Variants in PALM2AKAP2 observed in about 807,000 individuals in gnomAD.
PALM2AKAP2 encodes PALM2 and AKAP2 fusion, also known as PALM2-AKAP2 fusion protein.
PALM2AKAP2 carries 37 observed loss-of-function variants against 71.5 expected under a neutral mutation model. The observed-to-expected ratio is 0.52, with a 90% CI of 0.40 to 0.68. The LOEUF is 0.68. PALM2AKAP2 is among the 30% of genes least tolerant of loss of function. The probability of loss-of-function intolerance (pLI) is 0.00; values close to 1 mark genes in which losing one functional copy is unlikely to be tolerated. For missense variants in PALM2AKAP2, 1,224 were observed against 1,191.8 expected (o/e 1.03, Z -0.40); for synonymous variants, 468 against 478.8 (o/e 0.98, Z 0.29).
upstream of PALM2AKAP2, among the ~76,000 whole-genome samples, chr9:110,048,176 C>T (rs2132488777): frequency 1.3e-5 from 2 of 152,328 alleles, no homozygotes; most frequent in South Asian, 4.1e-4. Flanking sequence ...CCGGGAGTCG[C>T]TCTGACCCTG....
intron 1 of PALM2AKAP2, among the ~76,000 whole-genome samples, chr9:109,724,427 AG>A (rs577912553): frequency 8.6e-4 from 131 of 152,340 alleles, no homozygotes; most frequent in African/African-American, 3.0e-3. Context: ...AAAACGGCCA[AG>A]AAAAACTTGA....
intron 1 of PALM2AKAP2, among the ~76,000 whole-genome samples, chr9:110,098,013 C>T (rs1485912707): frequency 6.9e-6 from 1 of 144,870 alleles, no homozygotes; most frequent in Admixed American, 6.7e-5. Context: ...ATACGAAAAC[C>T]AGTCAGGCGT....
intron 1 of PALM2AKAP2, among the ~76,000 whole-genome samples, chr9:109,748,424 A>G (rs1828835504): frequency 6.6e-6 from 1 of 152,168 alleles, no homozygotes; most frequent in Non-Finnish European, 1.5e-5. Flanking sequence ...ATGAGGCGAT[A>G]GGAGCAGCTC....
rs376867000 is a variant in PALM2AKAP2, at chr9:109,880,613, G to A, written c.189G>A (p.Glu63=). 8.9e-5 allele frequency: 144 copies of A among 1,613,956 alleles called. No homozygotes were observed. In the Middle Eastern group the frequency reaches 5.3e-3, roughly 59 times the overall value. Residue 63 remains glutamate (E), a synonymous_variant, in exon 3 of 10, where the codon GAG becomes GAA. Transcript: ENST00000302798. Reference sequence around the variant, plus strand: ...TACCCGCTGGAACTGCCGAAGAGGAGGAAGCCAGGAGGCGGCAGTCTGAAG... The same window carrying A: ...TACCCGCTGGAACTGCCGAAGAGGAAGAAGCCAGGAGGCGGCAGTCTGAAG...
At chr9:109,938,564 G>A (rs1831283666) in intron 6 of PALM2AKAP2, among the ~76,000 whole-genome samples, 1 of 151,948 alleles carries the variant, frequency 6.6e-6, no homozygotes, top group African/African-American at 2.4e-5. Context: ...AGGAATATTG[G>A]AAGAATAGTG....
chr9:109,864,709 C>T (rs541471230), intron 1 of PALM2AKAP2, among the ~76,000 whole-genome samples: 5 of 152,158 alleles, frequency 3.3e-5, no homozygotes, highest in Non-Finnish European at 7.4e-5. Context: ...TCAGTAGTTG[C>T]GACAGAGACT....
chr9:110,133,180 G>C (rs554522315), intron 1 of PALM2AKAP2, among the ~76,000 whole-genome samples: 3 of 152,152 alleles, frequency 2.0e-5, no homozygotes, highest in Non-Finnish European at 4.4e-5. Flanking sequence ...ATTCATCATC[G>C]AGCACTTGAA....
chr9:109,732,564 T>G (rs990242633), intron 1 of PALM2AKAP2, among the ~76,000 whole-genome samples: 1 of 152,204 alleles, frequency 6.6e-6, no homozygotes, highest in African/African-American at 2.4e-5. Context: ...CTAAATTGTT[T>G]CCACTCATTC....
At chr9:110,142,675 G>C (rs896644006) in intron 2 of PALM2AKAP2, among the ~76,000 whole-genome samples, 5 of 152,202 alleles carry the variant, frequency 3.3e-5, no homozygotes, top group African/African-American at 1.2e-4. Context: ...TTGGGCTCAG[G>C]GTGTAGGGGA....
At chr9:109,833,334 G>A (rs143166256) in intron 1 of PALM2AKAP2, among the ~76,000 whole-genome samples, 20 of 152,262 alleles carry the variant, frequency 1.3e-4, no homozygotes, top group Non-Finnish European at 2.1e-4. Context: ...CAGCCTGGGC[G>A]ACAGAGTGAG....
At chr9:109,933,140 G>A (rs1334984405) in intron 6 of PALM2AKAP2, among the ~76,000 whole-genome samples, 1 of 152,234 alleles carries the variant, frequency 6.6e-6, no homozygotes, top group East Asian at 1.9e-4. Context: ...GGGACTGTAA[G>A]TGGTATCTGG....
chr9:109,958,531 C>T (rs1462615075), intron 6 of PALM2AKAP2, among the ~76,000 whole-genome samples: 3 of 151,234 alleles, frequency 2.0e-5, no homozygotes, highest in African/African-American at 4.9e-5. Context: ...TCTGAGTGGA[C>T]GCCAACCTCA....
chr9:110,132,226 TG>T (rs1247417069), intron 1 of PALM2AKAP2, among the ~76,000 whole-genome samples: 2 of 152,102 alleles, frequency 1.3e-5, no homozygotes, highest in African/African-American at 4.8e-5. Context: ...GCTAATTTTT[TG>T]TATTTTCAGT....
chr9:109,968,943 G>T (rs932643257), intron 6 of PALM2AKAP2, among the ~76,000 whole-genome samples: 5 of 152,174 alleles, frequency 3.3e-5, no homozygotes, highest in African/African-American at 1.2e-4. Context: ...AAACTGTGGA[G>T]TGTGACACAG....
In PALM2AKAP2 at chr9:110,050,546, G is replaced by A. The variant is rs372929010; in HGVS notation, c.156+1691G>A. Reference sequence around the variant, plus strand: ...AACATAAAGACTTGGCCTAAAGAGTGTTTTAAGCAATGCTCCGCTGCCGGT... The same window carrying A: ...AACATAAAGACTTGGCCTAAAGAGTATTTTAAGCAATGCTCCGCTGCCGGT... On this transcript the variant is annotated intron_variant, in intron 1 of 3. Transcript: ENST00000374525. Among the ~76,000 whole-genome samples, 31 of 152,320 alleles carry A rather than the reference G, an allele frequency of 2.0e-4. No homozygotes were observed. The East Asian group carries it at 2.9e-3, about 14-fold the overall frequency.
Position 109,685,326 on chromosome 9 carries a change from G to T in PALM2AKAP2, c.5+44460G>T, listed in dbSNP as rs550399066. On this transcript the variant is annotated intron_variant, in intron 1 of 6. Transcript: ENST00000374531. Reference sequence around the variant, plus strand: ...TTTATGCAAATTATACCTTGAAAAAGCCGATTTTTTACTTGCTGTAAAACT... The same window carrying T: ...TTTATGCAAATTATACCTTGAAAAATCCGATTTTTTACTTGCTGTAAAACT... Among the ~76,000 whole-genome samples, 10 of 152,204 alleles carry T rather than the reference G, an allele frequency of 6.6e-5. 1 individual carries two copies. The South Asian group carries it at 1.7e-3, about 25-fold the overall frequency.
At chr9:109,839,500 A>G (rs959904455) in intron 1 of PALM2AKAP2, among the ~76,000 whole-genome samples, 5 of 152,022 alleles carry the variant, frequency 3.3e-5, no homozygotes, top group Admixed American at 1.3e-4. Context: ...CTCTCTCACC[A>G]CTCCTATTCA....
intron 1 of PALM2AKAP2, among the ~76,000 whole-genome samples, chr9:110,051,628 A>G (rs1234563648): frequency 1.3e-5 from 2 of 152,228 alleles, no homozygotes; most frequent in African/African-American, 4.8e-5. Flanking sequence ...GGATTTTAAC[A>G]GTTGAAACAG....
chr9:109,975,132 T>G (rs998731794), intron 6 of PALM2AKAP2, among the ~76,000 whole-genome samples: 1 of 152,190 alleles, frequency 6.6e-6, no homozygotes, highest in African/African-American at 2.4e-5. Flanking sequence ...ATAAGATGTA[T>G]GTAGACATAT....
Sources: allele counts gnomAD v4.1 joint callset (sites outside exome capture counted in the v4.1 genomes callset), GRCh38; gene constraint gnomAD v4.1.1; transcripts MANE v1.5; gene names NCBI Gene and HGNC (gene_info 2026-07-23, HGNC 2026-07-21).